PTPRF: variants seen among roughly 807,000 people sequenced by gnomAD.
The protein encoded by PTPRF is protein tyrosine phosphatase receptor type F, also known as receptor-type tyrosine-protein phosphatase F.
Under a neutral mutation model 201.8 loss-of-function variants are expected in PTPRF, and 59 were observed. The observed-to-expected ratio is 0.29, with a 90% confidence interval of 0.24 to 0.36. The LOEUF is 0.36. Ranked by LOEUF, PTPRF falls within the 10% of genes least tolerant of loss-of-function variation. The pLI is 1.00. For synonymous variants in PTPRF, 1,088 were observed against 1,089.7 expected (o/e 1.00, Z 0.03); for missense variants, 2,132 against 2,690.5 (o/e 0.79, Z 4.59).
chr1:43,591,752 C>T (rs1295822309), intron 9 of PTPRF, 60 bp from the exon 10 acceptor site: 51 of 1,596,468 alleles, frequency 3.2e-5, no homozygotes, highest in Non-Finnish European at 1.4e-5. Flanking sequence ...GCTCCCTCCT[C>T]CCTGGGCACC....
At chr1:43,562,000 G>A (rs538962195) in intron 5 of PTPRF, among the ~76,000 whole-genome samples, 15 of 152,292 alleles carry the variant, frequency 9.8e-5, no homozygotes, top group African/African-American at 3.6e-4. Flanking sequence ...AATGGCTCTG[G>A]GAACAGGCTC....
intron 29 of PTPRF, 74 bp from the exon 30 acceptor site, chr1:43,620,020 AG>A: frequency 6.3e-7 from 1 of 1,597,828 alleles, no homozygotes; most frequent in South Asian, 1.1e-5. Flanking sequence ...CAGGGCCCCA[AG>A]GGGCTAGGCA....
chr1:43,523,010 A>G (rs558231235), upstream of PTPRF, among the ~76,000 whole-genome samples: 20 of 152,340 alleles, frequency 1.3e-4, no homozygotes, highest in Admixed American at 7.2e-4. Context: ...AGAGGTCCAG[A>G]TAAGAGTTAA....
At position 43,553,282 on chromosome 1, in the gene PTPRF, C is replaced by T. The variant is rs1238661851; in HGVS notation, c.92-210C>T. ...CTCTCTGGGCCTCTAGAAACAGATA[C>T]AGTTATAGCACTCACCTCATATGCT... On this transcript the variant is annotated intron_variant, in intron 3 of 33. Transcript: ENST00000359947. The surrounding 1 kb of genome is among the most constrained non-coding windows in gnomAD (Gnocchi z 4.1). Among the ~76,000 whole-genome samples, 3 of 152,154 alleles carry T rather than the reference C, an allele frequency of 2.0e-5. No homozygotes were observed. Among genetic ancestry groups the T allele is most frequent in the African/African-American group, 7.2e-5 (3 of 41,420 alleles).
intron 5 of PTPRF, among the ~76,000 whole-genome samples, chr1:43,567,473 A>G (rs778024281): frequency 3.2e-4 from 49 of 152,234 alleles, no homozygotes; most frequent in Admixed American, 2.5e-3. Flanking sequence ...GGGGAAACGT[A>G]CAGCCAGGTC....
intron 6 of PTPRF, among the ~76,000 whole-genome samples, chr1:43,572,931 C>T (rs976663158): frequency 3.3e-5 from 5 of 152,094 alleles, no homozygotes; most frequent in African/African-American, 1.2e-4. Context: ...GGCTTCAGAG[C>T]TGCACATTCC....
rs1644440753 is a variant in PTPRF, at chr1:43,542,862, C to T, written c.-45-2169C>T. Among the ~76,000 whole-genome samples, 1 of 152,144 alleles carries T rather than the reference C, an allele frequency of 6.6e-6. No individual in the cohort carries two copies. Among genetic ancestry groups the T allele is most frequent in the African/African-American group, 2.4e-5 (1 of 41,420 alleles). Reference sequence around the variant, plus strand: ...AGCCTCTGCTCATTGTACTGGGGAGCTATATCCCATGATGACGGTGCTGTG... The same window carrying T: ...AGCCTCTGCTCATTGTACTGGGGAGTTATATCCCATGATGACGGTGCTGTG... On this transcript the variant is annotated intron_variant, in intron 2 of 33. Transcript: ENST00000359947. This position sits in a 1 kb window ranked among gnomAD's most constrained non-coding sequence, Gnocchi z 5.2.
chr1:43,532,936 C>T (rs1434533390), intron 1 of PTPRF, among the ~76,000 whole-genome samples: 2 of 152,164 alleles, frequency 1.3e-5, no homozygotes, highest in Non-Finnish European at 1.5e-5. Context: ...TACCTGGGCC[C>T]GCATGCCGGC....
chr1:43,589,130 T>C, intron 8 of PTPRF, 130 bp downstream of exon 8: 9 of 1,121,134 alleles, frequency 8.0e-6, no homozygotes, highest in Non-Finnish European at 9.6e-6. Context: ...TGGGTGTCCC[T>C]GCCCTGGGGT....
chr1:43,592,404 T>C, intron 10 of PTPRF, 53 bp from the exon 11 acceptor site: 1 of 1,559,890 alleles, frequency 6.4e-7, no homozygotes, highest in Non-Finnish European at 8.7e-7. Context: ...GGGAACAACC[T>C]GTGAGTGACT....
chr1:43,572,327 C>T (rs1646629905), intron 6 of PTPRF, among the ~76,000 whole-genome samples: 1 of 152,262 alleles, frequency 6.6e-6, no homozygotes, highest in Non-Finnish European at 1.5e-5. Context: ...AGGCTAATAT[C>T]TGCTCTAATG....
chr1:43,620,406 C>T (rs199936347), intron 30 of PTPRF, 48 bp from the exon 31 acceptor site: 40 of 1,567,120 alleles, frequency 2.6e-5, no homozygotes, highest in Non-Finnish European at 7.8e-6. Flanking sequence ...GGCACCCCTC[C>T]CCTATTCCTT....
At chr1:43,615,628 G>A (rs539828252) in intron 23 of PTPRF, among the ~76,000 whole-genome samples, 3 of 143,196 alleles carry the variant, frequency 2.1e-5, no homozygotes, top group East Asian at 4.2e-4. Context: ...GTGCAGTGGC[G>A]TGATCTCGGC....
chr1:43,571,943 A>G (rs992369698), intron 6 of PTPRF, among the ~76,000 whole-genome samples: 13 of 152,232 alleles, frequency 8.5e-5, no homozygotes, highest in Non-Finnish European at 1.3e-4. Flanking sequence ...GAGTGAGTCA[A>G]TGGCAGTCAA....
chr1:43,615,241 C>G (rs1280015272), intron 23 of PTPRF, among the ~76,000 whole-genome samples: 1 of 152,216 alleles, frequency 6.6e-6, no homozygotes, highest in African/African-American at 2.4e-5. Flanking sequence ...TAGGGCCCCC[C>G]TGGGGCCCTG....
At chr1:43,557,507 G>A (rs573023060) in intron 5 of PTPRF, among the ~76,000 whole-genome samples, 4 of 152,172 alleles carry the variant, frequency 2.6e-5, no homozygotes, top group Admixed American at 6.5e-5. Context: ...GGTGGCGCAC[G>A]CCTGTAGTCC....
chr1:43,567,183 C>A (rs1415603458), intron 5 of PTPRF, among the ~76,000 whole-genome samples: 2 of 152,002 alleles, frequency 1.3e-5, no homozygotes, highest in African/African-American at 4.8e-5. Flanking sequence ...TGGAGGGCAC[C>A]CAGGATGGCC....
At position 43,578,828 on chromosome 1, in the gene PTPRF, G is replaced by T; in HGVS notation, c.587G>T (p.Ser196Ile). 6.2e-7 allele frequency: 1 copy of T among 1,614,064 alleles called. No individual in the cohort carries two copies. The highest frequency in any genetic ancestry group is 8.5e-7 in the Non-Finnish European group (1 of 1,179,934). ...QLRSGALQIE[S>I]SEESDQGKYE... The stretch of plus-strand genomic sequence containing the variant: ...CCCACAGGTGCCTTGCAGATAGAGA[G>T]CAGTGAGGAATCCGACCAAGGCAAG... Residue 196 changes from serine to isoleucine, a missense_variant, in exon 7 of 34, where the codon AGC becomes ATC. Physicochemically the swap from Ser to Ile is moderately radical, Grantham distance 142. Coordinates refer to ENST00000359947, the MANE Select transcript of PTPRF (RefSeq NM_002840.5).
intron 6 of PTPRF, among the ~76,000 whole-genome samples, chr1:43,576,783 G>A (rs1646958345): frequency 6.6e-6 from 1 of 152,228 alleles, no homozygotes; most frequent in African/African-American, 2.4e-5. Context: ...ATGGTGGCTT[G>A]TCTATTCACA....
Sources: allele counts gnomAD v4.1 joint callset (sites outside exome capture counted in the v4.1 genomes callset), GRCh38; gene constraint gnomAD v4.1.1; non-coding constraint Gnocchi (gnomAD v3.1); transcripts MANE v1.5; gene names NCBI Gene and HGNC (gene_info 2026-07-23, HGNC 2026-07-21).